The following DCLK2 variants were observed in gnomAD, a reference collection of about 807,000 sequenced individuals.
DCLK2 encodes the protein doublecortin like kinase 2.
Under a neutral mutation model 78.4 loss-of-function variants are expected in DCLK2, and 31 were observed. The observed-to-expected ratio is 0.40, with a 90% confidence interval of 0.30 to 0.53. The LOEUF is 0.53. Among genes scored for constraint, DCLK2 ranks in the 20% least tolerant of loss-of-function variants. The probability of loss-of-function intolerance (pLI) is 0.61; values close to 1 mark genes in which losing one functional copy is unlikely to be tolerated. For missense variants in DCLK2, 872 were observed against 973.7 expected (o/e 0.90, Z 1.39); for synonymous variants, 407 against 374.9 (o/e 1.09, Z -0.99).
In DCLK2 at chr4:150,114,130, T is replaced by A. The variant is rs983204223; in HGVS notation, c.756+11318T>A. ...GATACTTGAAGTAATTTTGATTTTT[T>A]TTTAATTTATTAAGATTTGTTTGGT... On this transcript the variant is annotated intron_variant, in intron 2 of 15. Transcript: ENST00000296550. 1.2e-4 allele frequency among the ~76,000 whole-genome samples: 18 copies of A among 152,234 alleles called. No individual in the cohort carries two copies. In the East Asian group the frequency reaches 3.5e-3, roughly 29 times the overall value.
chr4:150,165,726 C>G (rs1015417375), intron 2 of DCLK2, among the ~76,000 whole-genome samples: 11 of 152,194 alleles, frequency 7.2e-5, no homozygotes, highest in African/African-American at 2.7e-4. Flanking sequence ...TACCTAGGTT[C>G]ATTTTAATTG....
In DCLK2 at chr4:150,241,608, G is replaced by A. The variant is rs978452596; in HGVS notation, c.1778+1132G>A. ...GTGGTGAACAAAACCTGAGGTTGTG[G>A]TTTCCCTTAGTTTATTTGACTAGCC... On this transcript the variant is annotated intron_variant, in intron 12 of 15. Transcript: ENST00000296550. Among the ~76,000 whole-genome samples, 7 of 152,278 alleles carry A rather than the reference G, an allele frequency of 4.6e-5. 1 individual carries two copies. Among genetic ancestry groups the A allele is most frequent in the Admixed American group, 3.9e-4 (6 of 15,304 alleles).
chr4:150,177,045 G>A (rs776463002), intron 2 of DCLK2, among the ~76,000 whole-genome samples: 1 of 152,158 alleles, frequency 6.6e-6, no homozygotes, highest in Non-Finnish European at 1.5e-5. Context: ...CCAGCTTAAG[G>A]AATTCTTCAG....
chr4:150,192,329 A>C (rs1738513226), intron 2 of DCLK2, among the ~76,000 whole-genome samples: 1 of 152,006 alleles, frequency 6.6e-6, no homozygotes, highest in East Asian at 1.9e-4. Context: ...AAATATAAAA[A>C]ATTAGCTGGG....
chr4:150,256,475 G>A lies in DCLK2; in HGVS notation c.*228G>A. On this transcript the variant is annotated 3_prime_UTR_variant, in exon 16 of 16. Coordinates refer to ENST00000296550, the MANE Select transcript of DCLK2 (RefSeq NM_001040260.4). ...AGGCATCAAAGGCTGCATCCGTTCTGCCAACAGCTGTTCGGAGAGACTCGT... is the reference window on the plus strand; with the variant it reads ...AGGCATCAAAGGCTGCATCCGTTCTACCAACAGCTGTTCGGAGAGACTCGT... 1.9e-6 allele frequency: 1 copy of A among 527,416 alleles called. No individual in the cohort carries two copies. Among genetic ancestry groups the A allele is most frequent in the Non-Finnish European group, 3.2e-6 (1 of 308,316 alleles). 32.7% of individuals were successfully genotyped at this position (527,416 alleles called of 1,614,324 possible).
At chr4:150,152,272 CTGAT>C (rs202089751) in intron 2 of DCLK2, among the ~76,000 whole-genome samples, 2 of 152,234 alleles carry the variant, frequency 1.3e-5, no homozygotes, top group African/African-American at 2.4e-5. Flanking sequence ...CATAAAATAA[CTGAT>C]TGATTGATTG....
rs537155319 is a variant in DCLK2 at position 150,150,710 on chromosome 4, C to G, written c.757-42428C>G. On this transcript the variant is annotated intron_variant, in intron 2 of 15. Transcript: ENST00000296550. ...GACATGTTGTTCAAACCTGTTTTCT[C>G]CCATGTCCTGCCTAATGCCCCAAAA... Among the ~76,000 whole-genome samples the G allele has an allele frequency of 1.9e-3, 296 of 152,288 alleles. 1 individual carries two copies. The highest frequency in any genetic ancestry group is 6.8e-3 in the African/African-American group (282 of 41,558).
chr4:150,222,901 G>C (rs1318463357), intron 7 of DCLK2, among the ~76,000 whole-genome samples: 1 of 150,620 alleles, frequency 6.6e-6, no homozygotes, highest in Non-Finnish European at 1.5e-5. Context: ...GCCTACTTTT[G>C]CCTATTCCAG....
intron 2 of DCLK2, among the ~76,000 whole-genome samples, chr4:150,183,506 A>G (rs920047127): frequency 2.6e-5 from 4 of 152,166 alleles, no homozygotes; most frequent in Non-Finnish European, 5.9e-5. Context: ...TGATCAACCA[A>G]GTATTTGCTA....
At position 150,256,369 on chromosome 4, in the gene DCLK2, C is replaced by A; in HGVS notation, c.*122C>A. The A allele has an allele frequency of 7.6e-7, 1 of 1,316,094 alleles. No homozygotes were observed. Among genetic ancestry groups the A allele is most frequent in the Non-Finnish European group, 1.0e-6 (1 of 995,744 alleles). The allele number at this position is 1,316,094 out of a possible 1,614,324, so 81.5% of individuals were successfully genotyped here. ...ACCGCCTGCGCCTGAGTTCGCGGGT[C>A]CTCCGCAGGCCGCCTGGGAACCGGA... is the stretch of plus-strand genomic sequence containing the variant. On this transcript the variant is annotated 3_prime_UTR_variant, in exon 16 of 16. Transcript: ENST00000296550.
chr4:150,235,490 C>T (rs1742426251), intron 10 of DCLK2, among the ~76,000 whole-genome samples: 1 of 152,118 alleles, frequency 6.6e-6, no homozygotes, highest in African/African-American at 2.4e-5. Context: ...TGAGCGTCCA[C>T]CCCTTCCCAA....
chr4:150,171,983 G>A (rs1736565487), intron 2 of DCLK2, among the ~76,000 whole-genome samples: 1 of 152,194 alleles, frequency 6.6e-6, no homozygotes, highest in Non-Finnish European at 1.5e-5. Context: ...TAATAATGTT[G>A]TTAAATTATT....
rs534543747 is a variant in DCLK2, at chr4:150,227,717, T to C, written c.1299+3159T>C. ...TATTCTCTTTCATGCTAAATAAATATCTATTGAATTCCCACAGTGTACAAA... is the reference window on the plus strand; with the variant it reads ...TATTCTCTTTCATGCTAAATAAATACCTATTGAATTCCCACAGTGTACAAA... On this transcript the variant is annotated intron_variant, in intron 8 of 15. Transcript: ENST00000296550. Among the ~76,000 whole-genome samples the C allele has an allele frequency of 4.6e-5, 7 of 152,320 alleles. No homozygotes were observed. The South Asian group carries it at 1.5e-3, about 32-fold the overall frequency.
At chr4:150,249,993 C>T (rs888089579) in intron 15 of DCLK2, among the ~76,000 whole-genome samples, 1 of 152,118 alleles carries the variant, frequency 6.6e-6, no homozygotes, top group Non-Finnish European at 1.5e-5. Context: ...GACTCCCAAG[C>T]CCTGGAGGGG....
chr4:150,216,821 A>G lies in DCLK2; in HGVS notation c.1057-3882A>G, dbSNP rs1303292037. ...TCACCTTCCCTCCTTGGCCAAGCAGAATCAGGACCTCATTAGGAAATATAT... is the reference window on the plus strand; with the variant it reads ...TCACCTTCCCTCCTTGGCCAAGCAGGATCAGGACCTCATTAGGAAATATAT... On this transcript the variant is annotated intron_variant, in intron 5 of 15. Coordinates refer to ENST00000296550, the MANE Select transcript of DCLK2 (RefSeq NM_001040260.4). Among the ~76,000 whole-genome samples the G allele has an allele frequency of 2.6e-5, 4 of 152,118 alleles. 1 individual carries two copies. Among genetic ancestry groups the G allele is most frequent in the Non-Finnish European group, 5.9e-5 (4 of 68,030 alleles).
chr4:150,087,991 A>T (rs558756818), intron 1 of DCLK2, among the ~76,000 whole-genome samples: 1 of 152,022 alleles, frequency 6.6e-6, no homozygotes, highest in Admixed American at 6.6e-5. Context: ...GGGCGGCAGA[A>T]GATCAGAGAA....
chr4:150,202,548 T>G (rs1055006296), intron 4 of DCLK2, among the ~76,000 whole-genome samples: 3 of 152,246 alleles, frequency 2.0e-5, no homozygotes, highest in African/African-American at 7.2e-5. Context: ...GATCCACAAT[T>G]TCTGCCTCTG....
intron 10 of DCLK2, among the ~76,000 whole-genome samples, chr4:150,234,094 T>C (rs916330195): frequency 6.6e-6 from 1 of 152,204 alleles, no homozygotes; most frequent in Non-Finnish European, 1.5e-5. Flanking sequence ...AGTTAAGACT[T>C]GACTTACCAG....
rs190740138 is a variant in DCLK2 at position 150,141,236 on chromosome 4, C to G, written c.756+38424C>G. 1.7e-3 allele frequency among the ~76,000 whole-genome samples: 253 copies of G among 152,236 alleles called. 4 individuals are homozygous for G. The highest frequency in any genetic ancestry group is 5.7e-3 in the African/African-American group (238 of 41,522). On this transcript the variant is annotated intron_variant, in intron 2 of 15. Coordinates refer to ENST00000296550, the MANE Select transcript of DCLK2 (RefSeq NM_001040260.4). ...GATGATTCATGCTACCCTTCCTTCC[C>G]CCAAATCGTGACTCATTTTCAAACT... is the stretch of plus-strand genomic sequence containing the variant.
Sources: gnomAD v4.1 joint callset for allele counts (sites outside exome capture counted in the v4.1 genomes callset) on GRCh38, gnomAD v4.1.1 for gene constraint, MANE v1.5 for transcripts, NCBI Gene and HGNC (gene_info 2026-07-23, HGNC 2026-07-21) for gene names.